The following RAB3GAP1 variants were observed in gnomAD, a reference collection of about 807,000 sequenced individuals.
RAB3GAP1 encodes rab3 GTPase-activating protein catalytic subunit.
RAB3GAP1 carries 86 observed loss-of-function variants against 130.7 expected under a neutral mutation model. That is an observed-to-expected ratio of 0.66 (90% CI 0.55 to 0.79). The LOEUF (loss-of-function observed/expected upper bound fraction) is 0.79. Ranked by LOEUF, RAB3GAP1 falls within the 30% of genes least tolerant of loss-of-function variation. The pLI is 0.00. For synonymous variants in RAB3GAP1, 367 were observed against 401.7 expected, an observed-to-expected ratio of 0.91 and a Z score of 1.03; for missense variants, 1,029 against 1,169.4, an observed-to-expected ratio of 0.88 and a Z score of 1.75.
chr2:135,082,521 A>T (rs941032721), intron 3 of RAB3GAP1, among the ~76,000 whole-genome samples: 63 of 151,402 alleles, frequency 4.2e-4, no homozygotes, highest in Non-Finnish European at 2.9e-5. Context: ...GCTCAGTGCA[A>T]CCTTCGCCTC....
Position 135,164,642 on chromosome 2 carries a change from A to G in RAB3GAP1, c.2655A>G (p.Ala885=), listed in dbSNP as rs1692578446. 18 of 1,613,528 alleles carry G rather than the reference A, an allele frequency of 1.1e-5. No homozygotes were observed. Among genetic ancestry groups the G allele is most frequent in the Non-Finnish European group, 1.4e-5 (17 of 1,179,634 alleles). Residue 885 remains alanine, a synonymous_variant, in exon 23 of 24, where the codon GCA becomes GCG. Coordinates refer to ENST00000264158, the MANE Select transcript of RAB3GAP1 (RefSeq NM_012233.3). Reference sequence around the variant, plus strand: ...AGCCTGAAGTGTTAGTCACCGGTGCAGGAAGAGGACATGCTGGCAGGATCA... The same window carrying G: ...AGCCTGAAGTGTTAGTCACCGGTGCGGGAAGAGGACATGCTGGCAGGATCA... The part of the protein sequence containing the change: ...LEQPEVLVTG[A]GRGHAGRIIH...
intron 17 of RAB3GAP1, among the ~76,000 whole-genome samples, chr2:135,137,808 GGTTTT>G (rs1691715327): frequency 6.6e-6 from 1 of 151,776 alleles, no homozygotes; most frequent in Admixed American, 6.6e-5. Context: ...TGTTTTTAAG[GGTTTT>G]GTTTTGTTTT....
rs566847814 is a variant in RAB3GAP1 at position 135,072,158 on chromosome 2, A to C, written c.150+14072A>C. Among the ~76,000 whole-genome samples the C allele has an allele frequency of 3.3e-5, 5 of 152,136 alleles. No individual in the cohort carries two copies. In the South Asian group the frequency reaches 1.0e-3, roughly 32 times the overall value. On this transcript the variant is annotated intron_variant, in intron 3 of 23. Transcript: ENST00000264158. ...ACTCCTGACCTCAAGTGATCCTCCT[A>C]CCTCAGCCTCCCAAAGTGCTGGGAT...
At chr2:135,115,066 C>G in intron 6 of RAB3GAP1, 150 bp from the exon 7 acceptor site, 1 of 652,484 alleles carries the variant, frequency 1.5e-6, no homozygotes, top group Non-Finnish European at 2.6e-6. Context: ...CTAAGAATGT[C>G]TTTGTTATAC....
At chr2:135,057,309 GT>G (rs1689041416) in intron 2 of RAB3GAP1, among the ~76,000 whole-genome samples, 1 of 152,086 alleles carries the variant, frequency 6.6e-6, no homozygotes, top group African/African-American at 2.4e-5. Flanking sequence ...GGCTGGGGGG[GT>G]AAATCGGAAT....
At chr2:135,064,703 G>A (rs1689265992) in intron 3 of RAB3GAP1, among the ~76,000 whole-genome samples, 1 of 144,082 alleles carries the variant, frequency 6.9e-6, no homozygotes, top group Admixed American at 6.9e-5. Flanking sequence ...TTTTTTTTTT[G>A]AGTATAGATC....
At position 135,095,964 on chromosome 2, in the gene RAB3GAP1, A is replaced by G. The variant is rs1008702895; in HGVS notation, c.362+2271A>G. Among the ~76,000 whole-genome samples, 10 of 152,334 alleles carry G rather than the reference A, an allele frequency of 6.6e-5. No homozygotes were observed. The East Asian group carries it at 1.7e-3, about 26-fold the overall frequency. ...TACAAAATATTGTCGTAACTGTTCT[A>G]TTGGTACTATATATAGGAAAAAACA... On this transcript the variant is annotated intron_variant, in intron 5 of 23. Coordinates refer to ENST00000264158, the MANE Select transcript of RAB3GAP1 (RefSeq NM_012233.3).
At chr2:135,172,281 A>T (rs948014326), downstream of RAB3GAP1, among the ~76,000 whole-genome samples, 6 of 151,864 alleles carry the variant, frequency 4.0e-5, no homozygotes, top group Admixed American at 6.6e-5. Flanking sequence ...AGTTAAAAAA[A>T]AAAATTAGCT....
intron 17 of RAB3GAP1, among the ~76,000 whole-genome samples, chr2:135,145,385 A>AAC (rs1251633706): frequency 7.0e-6 from 1 of 142,956 alleles, no homozygotes; most frequent in African/African-American, 2.8e-5. Context: ...ACCCCTCACC[A>AAC]ACACACACAC....
At chr2:135,061,559 T>C (rs970699688) in intron 3 of RAB3GAP1, among the ~76,000 whole-genome samples, 1 of 152,234 alleles carries the variant, frequency 6.6e-6, no homozygotes. Context: ...CCACTTTGAA[T>C]TTTCATGCAT....
At chr2:135,117,588 TCTTCTG>T (rs1691037112) in intron 7 of RAB3GAP1, among the ~76,000 whole-genome samples, 3 of 139,032 alleles carry the variant, frequency 2.2e-5, no homozygotes, top group Non-Finnish European at 4.8e-5. Flanking sequence ...TTCTGCTTCT[TCTTCTG>T]CTGCTTCTTC....
At chr2:135,135,029 T>C (rs896384871) in intron 15 of RAB3GAP1, among the ~76,000 whole-genome samples, 2 of 152,208 alleles carry the variant, frequency 1.3e-5, no homozygotes, top group African/African-American at 4.8e-5. Flanking sequence ...TTTGCTGTTA[T>C]GTTTTGAAAT....
At chr2:135,110,225 C>T (rs532087640) in intron 5 of RAB3GAP1, among the ~76,000 whole-genome samples, 3 of 152,042 alleles carry the variant, frequency 2.0e-5, no homozygotes, top group African/African-American at 7.2e-5. Context: ...CCTTGACCTC[C>T]TGGCCTCAAG....
At chr2:135,078,203 A>T (rs1689684093) in intron 3 of RAB3GAP1, among the ~76,000 whole-genome samples, 1 of 152,170 alleles carries the variant, frequency 6.6e-6, no homozygotes, top group Middle Eastern at 3.4e-3. Flanking sequence ...ATCCATTTTG[A>T]TTTTTATATG....
chr2:135,120,841 C>T lies in RAB3GAP1; in HGVS notation c.671C>T (p.Pro224Leu), dbSNP rs1691175894. 3 of 1,612,270 alleles carry T rather than the reference C, an allele frequency of 1.9e-6. No homozygotes were observed. Among genetic ancestry groups the T allele is most frequent in the Non-Finnish European group, 2.5e-6 (3 of 1,178,414 alleles). Residue 224 changes from proline to leucine, a missense_variant, in exon 8 of 24, where the codon CCT (proline) becomes CTT (leucine). Pro to Leu is a moderately conservative substitution (Grantham distance 98, BLOSUM62 -3). Coordinates refer to ENST00000264158, the MANE Select transcript of RAB3GAP1 (RefSeq NM_012233.3). ...TAGGGATGTCCTTTAACTCCATTGCCTCCAGTTAGTATTGCTATTCGATTT... is the reference window on the plus strand; with the variant it reads ...TAGGGATGTCCTTTAACTCCATTGCTTCCAGTTAGTATTGCTATTCGATTT... ...SKIGCPLTPL[P>L]PVSIAIRFTY...
intron 22 of RAB3GAP1, 110 bp downstream of exon 22, chr2:135,163,211 T>C (rs1419874819): frequency 2.5e-6 from 2 of 789,234 alleles, no homozygotes; most frequent in Non-Finnish European, 2.2e-6. Context: ...TCATATATTA[T>C]TTGAAACAAG....
chr2:135,065,709 G>A (rs959634107), intron 3 of RAB3GAP1, among the ~76,000 whole-genome samples: 2 of 151,224 alleles, frequency 1.3e-5, no homozygotes, highest in Non-Finnish European at 2.9e-5. Context: ...AAACTTAAAC[G>A]TCACGCTTTC....
At chr2:135,097,331 T>C (rs74578477) in intron 5 of RAB3GAP1, among the ~76,000 whole-genome samples, 17,406 of 151,914 alleles carry the variant, frequency 0.11, 1,288 homozygotes, top group South Asian at 0.32. Context: ...TCCTTCTGCC[T>C]CAGCCCCTTG....
intron 5 of RAB3GAP1, among the ~76,000 whole-genome samples, chr2:135,105,175 CT>C (rs1690557699): frequency 7.9e-6 from 1 of 126,782 alleles, no homozygotes; most frequent in Non-Finnish European, 1.6e-5. Context: ...CAAATGTGAG[CT>C]CTCCCTCTCC....
Sources: gnomAD v4.1 joint callset for allele counts (sites outside exome capture counted in the v4.1 genomes callset) on GRCh38, gnomAD v4.1.1 for gene constraint, MANE v1.5 for transcripts, NCBI Gene and HGNC (gene_info 2026-07-23, HGNC 2026-07-21) for gene names.